Variants in MYO7B observed in about 807,000 individuals in gnomAD.
The protein encoded by MYO7B is unconventional myosin-VIIb.
MYO7B carries 212 observed loss-of-function variants against 259.7 expected under a neutral mutation model. That is an observed-to-expected ratio of 0.82 (90% CI 0.73 to 0.91). The LOEUF (loss-of-function observed/expected upper bound fraction) is 0.91, where lower values mean the gene tolerates loss of function less well. Ranked by LOEUF, MYO7B falls within the 40% of genes least tolerant of loss-of-function variation. The pLI is 0.00. For synonymous variants in MYO7B, 1,197 were observed against 1,166.4 expected (o/e 1.03, Z -0.54); for missense variants, 2,732 against 2,813.5 (o/e 0.97, Z 0.66).
chr2:127,635,519 G>A, intron 43 of MYO7B: 1 of 662,886 alleles, frequency 1.5e-6, no homozygotes, highest in South Asian at 1.9e-5. Flanking sequence ...CATGGGTGGA[G>A]CAGGCCATCA....
rs147820752 is a variant in MYO7B, at chr2:127,535,859, C to T, written c.-24+28C>T. On this transcript the variant is annotated intron_variant, in intron 1 of 47. Transcript: ENST00000409816. This position sits in a 1 kb window ranked among gnomAD's most constrained non-coding sequence, Gnocchi z 4.8. ...AAGGGCGTGCCGGGGGCGTGTCTGC[C>T]AGCGGGGAGTAGGGGGTCACCTCTC... is the stretch of plus-strand genomic sequence containing the variant. The T allele has an allele frequency of 6.6e-6, 1 of 152,584 alleles. No homozygotes were observed. The highest frequency in any genetic ancestry group is 1.5e-5 in the Non-Finnish European group (1 of 68,266). The allele number at this position is 152,584 out of a possible 1,614,324, so 9.5% of individuals were successfully genotyped here. A position where few individuals can be genotyped will look rare whatever the true frequency, so the allele number is the denominator to read the frequency against.
rs1233112071 is a variant in MYO7B, at chr2:127,627,861, G to A, written c.4461-511G>A. 2.2e-6 allele frequency: 1 copy of A among 458,340 alleles called. No individual in the cohort carries two copies. The highest frequency in any genetic ancestry group is 4.4e-6 in the Non-Finnish European group (1 of 228,094). The allele number at this position is 458,340 out of a possible 1,614,324, so 28.4% of individuals were successfully genotyped here. ...CCCCTTGGTTGAAGCACACAACAGA[G>A]TGGCACATGCATCTCTGGGCTGTGC... On this transcript the variant is annotated intron_variant, in intron 33 of 47. Transcript: ENST00000409816. This position sits in a 1 kb window ranked among gnomAD's most constrained non-coding sequence, Gnocchi z 5.6.
At chr2:127,621,327 G>A (rs574373130) in intron 27 of MYO7B, among the ~76,000 whole-genome samples, 18 of 149,648 alleles carry the variant, frequency 1.2e-4, no homozygotes, top group South Asian at 4.3e-4. Flanking sequence ...GCAGTGGAGC[G>A]ATCTTGGTTC....
intron 1 of MYO7B, among the ~76,000 whole-genome samples, chr2:127,554,056 A>C (rs186595205): frequency 1.2e-3 from 189 of 152,234 alleles, no homozygotes; most frequent in Admixed American, 6.5e-3. Flanking sequence ...GTGGTGTATC[A>C]CATTTATTTA....
chr2:127,633,619 C>A (rs1309333429), intron 40 of MYO7B, among the ~76,000 whole-genome samples: 1 of 152,186 alleles, frequency 6.6e-6, no homozygotes, highest in African/African-American at 2.4e-5. Flanking sequence ...GAGGGGTGGG[C>A]AGCAAGGGTG....
intron 19 of MYO7B, among the ~76,000 whole-genome samples, chr2:127,603,772 A>G (rs778749292): frequency 6.6e-6 from 1 of 152,244 alleles, no homozygotes; most frequent in Non-Finnish European, 1.5e-5. Context: ...TGAACTCTCT[A>G]TACCTCTCTA....
chr2:127,551,006 C>T (rs1028955712), intron 1 of MYO7B, among the ~76,000 whole-genome samples: 3 of 147,380 alleles, frequency 2.0e-5, no homozygotes, highest in South Asian at 2.2e-4. Flanking sequence ...TGGGTGGTTC[C>T]GGCCCAGGGA....
In MYO7B at chr2:127,624,025, C is replaced by T. The variant is rs964446678; in HGVS notation, c.3820-68C>T. 2.5e-5 allele frequency: 35 copies of T among 1,411,506 alleles called. No homozygotes were observed. The African/African-American group carries it at 2.8e-4, about 11-fold the overall frequency. The allele number at this position is 1,411,506 out of a possible 1,614,324, so 87.4% of individuals were successfully genotyped here. ...CCTGTCTTCTACGTGCACACGCTGA[C>T]GGTGGGCGTCCCCGTGGGGTGGGGC... On this transcript the variant is annotated intron_variant, in intron 29 of 47. Transcript: ENST00000409816.
rs1678001236 is a variant in MYO7B, at chr2:127,559,937, G to A, written c.18+197G>A. 6.6e-6 allele frequency among the ~76,000 whole-genome samples: 1 copy of A among 152,090 alleles called. No homozygotes were observed. Among genetic ancestry groups the A allele is most frequent in the Non-Finnish European group, 1.5e-5 (1 of 67,996 alleles). The stretch of plus-strand genomic sequence containing the variant: ...CCAGCCACTGGCCTCGGCAATACAT[G>A]TATAGTTATGTATAGTTATCCCTCA... On this transcript the variant is annotated intron_variant, in intron 2 of 47. Transcript: ENST00000409816. The surrounding 1 kb of genome is among the most constrained non-coding windows in gnomAD (Gnocchi z 4.1).
At position 127,609,782 on chromosome 2, in the gene MYO7B, G is replaced by T. The variant is rs758604962; in HGVS notation, c.3024+67G>T. 192 of 1,610,916 alleles carry T rather than the reference G, an allele frequency of 1.2e-4. No homozygotes were observed. Among genetic ancestry groups the T allele is most frequent in the Non-Finnish European group, 1.5e-4 (180 of 1,177,596 alleles). ...GAGCCTGGGGTGTGAGCTATGGCTCGGGGAAAGAAGGAAGGGGCCATAGTC... is the reference window on the plus strand; with the variant it reads ...GAGCCTGGGGTGTGAGCTATGGCTCTGGGAAAGAAGGAAGGGGCCATAGTC... On this transcript the variant is annotated intron_variant, in intron 23 of 47. Coordinates refer to ENST00000409816, the MANE Select transcript of MYO7B (RefSeq NM_001393586.1). The surrounding 1 kb of genome is among the most constrained non-coding windows in gnomAD (Gnocchi z 6.9).
rs868714216 is a variant in MYO7B at position 127,613,776 on chromosome 2, C to A, written c.3398+1173C>A. 4.0e-4 allele frequency among the ~76,000 whole-genome samples: 61 copies of A among 152,218 alleles called. No individual in the cohort carries two copies. Among genetic ancestry groups the A allele is most frequent in the African/African-American group, 1.5e-3 (61 of 41,452 alleles). The stretch of plus-strand genomic sequence containing the variant: ...TACCTTGGCTGGACTCAAACTCTGT[C>A]TCCTCCATGATGAGCAGAAGCTAGA... On this transcript the variant is annotated intron_variant, in intron 26 of 47. Transcript: ENST00000409816. This position sits in a 1 kb window ranked among gnomAD's most constrained non-coding sequence, Gnocchi z 4.3.
chr2:127,623,794 C>G (rs1009980672), intron 29 of MYO7B, among the ~76,000 whole-genome samples: 1 of 152,134 alleles, frequency 6.6e-6, no homozygotes, highest in Non-Finnish European at 1.5e-5. Flanking sequence ...CACGCCCACA[C>G]CCTCAGACTC....
At position 127,627,932 on chromosome 2, in the gene MYO7B, G is replaced by A. The variant is rs1473090308; in HGVS notation, c.4461-440G>A. ...CTCCCCACTGGCCACCTCTCACTGA[G>A]GCTGACCATGCTGGGCACTTTCCTG... On this transcript the variant is annotated intron_variant, in intron 33 of 47. Transcript: ENST00000409816. This position sits in a 1 kb window ranked among gnomAD's most constrained non-coding sequence, Gnocchi z 5.6. 6.5e-6 allele frequency: 3 copies of A among 460,656 alleles called. No individual in the cohort carries two copies. The highest frequency in any genetic ancestry group is 1.3e-5 in the Non-Finnish European group (3 of 229,934). The allele number at this position is 460,656 out of a possible 1,614,324, so 28.5% of individuals were successfully genotyped here.
rs1680392782 is a variant in MYO7B, at chr2:127,611,680, C to T, written c.3193-570C>T. Among the ~76,000 whole-genome samples, 1 of 152,122 alleles carries T rather than the reference C, an allele frequency of 6.6e-6. No individual in the cohort carries two copies. The highest frequency in any genetic ancestry group is 1.5e-5 in the Non-Finnish European group (1 of 68,018). On this transcript the variant is annotated intron_variant, in intron 24 of 47. Transcript: ENST00000409816. The surrounding 1 kb of genome is among the most constrained non-coding windows in gnomAD (Gnocchi z 5.4). ...GTCCCACACTGAGCTCCAATTTTGG[C>T]AGCAAATTCTTCTCATGACGCCATC...
rs765869041 is a variant in MYO7B, at chr2:127,565,314, C to T, written c.214C>T (p.Arg72Cys). The part of the protein sequence containing the change: ...NSVQGVDDMI[R>C]LGDLNEAGMV... Reference sequence around the variant, plus strand: ...AGTCCAGGGTGTGGACGACATGATCCGCCTGGGGGACCTGAACGAGGCAGG... The same window carrying T: ...AGTCCAGGGTGTGGACGACATGATCTGCCTGGGGGACCTGAACGAGGCAGG... Residue 72 changes from arginine (R) to cysteine (C), a missense_variant, in exon 4 of 48, where the codon CGC (arginine) becomes TGC (cysteine). Physicochemically the swap from Arg to Cys is radical, Grantham distance 180. Coordinates refer to ENST00000409816, the MANE Select transcript of MYO7B (RefSeq NM_001393586.1). The T allele has an allele frequency of 5.1e-5, 82 of 1,614,026 alleles. No homozygotes were observed. Among genetic ancestry groups the T allele is most frequent in the East Asian group, 2.9e-4 (13 of 44,876 alleles).
chr2:127,625,490 G>C lies in MYO7B; in HGVS notation c.4170G>C (p.Lys1390Asn), dbSNP rs745811915. The C allele has an allele frequency of 3.7e-6, 6 of 1,610,570 alleles. No homozygotes were observed. The highest frequency in any genetic ancestry group is 1.6e-4 in the Middle Eastern group (1 of 6,070). ...TCCCCCACAAGCTGTACAGGACCAAGCCCCCAGACAGGTGGGCGAGCCTCG... is the reference window on the plus strand; with the variant it reads ...TCCCCCACAAGCTGTACAGGACCAACCCCCCAGACAGGTGGGCGAGCCTCG... ...SCIPHKLYRT[K>N]PPDRWASLVT... Residue 1390 changes from lysine to asparagine, a missense_variant, in exon 31 of 48, where the codon AAG becomes AAC. Coordinates refer to ENST00000409816, the MANE Select transcript of MYO7B (RefSeq NM_001393586.1).
In MYO7B at chr2:127,630,885, G is replaced by T; in HGVS notation, c.4914G>T (p.Glu1638Asp). Residue 1638 changes from glutamate (E) to aspartate (D), a missense_variant, in exon 36 of 48, where the codon GAG becomes GAT. Coordinates refer to ENST00000409816, the MANE Select transcript of MYO7B (RefSeq NM_001393586.1). Reference protein sequence around the residue: ...EPPKEKLHTLEEFSYEFFRAP... With the variant: ...EPPKEKLHTLDEFSYEFFRAP... ...CCAAGGAAAAGCTGCACACCCTGGA[G>T]GAGTTCTCCTATGAGTTCTTCAGGT... 1 of 1,597,358 alleles carries T rather than the reference G, an allele frequency of 6.3e-7. No individual in the cohort carries two copies. The highest frequency in any genetic ancestry group is 8.5e-7 in the Non-Finnish European group (1 of 1,172,066).
Position 127,607,485 on chromosome 2 carries a change from CAAG to C in MYO7B, c.2643+65_2643+67del, listed in dbSNP as rs1680202172. 7 of 1,447,362 alleles carry C rather than the reference CAAG, an allele frequency of 4.8e-6. No homozygotes were observed. In the African/African-American group the frequency reaches 5.6e-5, roughly 12 times the overall value. The allele number at this position is 1,447,362 out of a possible 1,614,324, so 89.7% of individuals were successfully genotyped here. On this transcript the variant is annotated intron_variant, in intron 21 of 47. Coordinates refer to ENST00000409816, the MANE Select transcript of MYO7B (RefSeq NM_001393586.1). The surrounding 1 kb of genome is among the most constrained non-coding windows in gnomAD (Gnocchi z 4.4). ...TGGCTGGGGCCCCAGTGGGTGAGGG[CAAG>C]AAGGAGTGAGCGGCTGTGTAGAGAG...
chr2:127,543,726 G>GTT (rs1480923415), intron 1 of MYO7B, among the ~76,000 whole-genome samples: 8 of 149,194 alleles, frequency 5.4e-5, no homozygotes, highest in Non-Finnish European at 1.0e-4. Context: ...CTCTCTCTCT[G>GTT]TTTCTCTCTC....
Sources: allele counts gnomAD v4.1 joint callset (sites outside exome capture counted in the v4.1 genomes callset), GRCh38; gene constraint gnomAD v4.1.1; non-coding constraint Gnocchi (gnomAD v3.1); transcripts MANE v1.5; gene names NCBI Gene and HGNC (gene_info 2026-07-23, HGNC 2026-07-21).